The following ERMARD variants were observed in gnomAD, a reference collection of about 807,000 sequenced individuals.
The protein encoded by ERMARD is ER membrane associated RNA degradation, also known as endoplasmic reticulum membrane-associated RNA degradation protein.
Under a neutral mutation model 83.9 loss-of-function variants are expected in ERMARD, and 71 were observed. The ratio of observed to expected loss-of-function variants is 0.85; its 90% CI spans 0.70 to 1.03. The LOEUF (loss-of-function observed/expected upper bound fraction) is 1.03, where lower values mean the gene tolerates loss of function less well. ERMARD is among the 50% of genes least tolerant of loss of function. The pLI is 0.00. For synonymous variants in ERMARD, 284 were observed against 298.6 expected (o/e 0.95, Z 0.50); for missense variants, 838 against 810.9 (o/e 1.03, Z -0.41).
chr6:169,764,195 C>T (rs963633862), intron 9 of ERMARD, among the ~76,000 whole-genome samples: 1 of 152,148 alleles, frequency 6.6e-6, no homozygotes, highest in Non-Finnish European at 1.5e-5. Context: ...GAGCTCATCT[C>T]ACGATTCTTC....
At chr6:169,773,177 T>C (rs1793177728) in intron 12 of ERMARD, 142 bp from the exon 13 acceptor site, 1 of 630,950 alleles carries the variant, frequency 1.6e-6, no homozygotes, top group South Asian at 2.4e-5. Flanking sequence ...CCTATTTTAA[T>C]GAAGCACTTG....
At chr6:169,773,290 G>A (rs1398604913) in intron 12 of ERMARD, 29 bp from the exon 13 acceptor site, 2 of 1,605,836 alleles carry the variant, frequency 1.2e-6, no homozygotes, top group Non-Finnish European at 1.7e-6. Flanking sequence ...ACCCAAACAT[G>A]ATAGTAACCA....
intron 13 of ERMARD, among the ~76,000 whole-genome samples, chr6:169,774,909 A>C (rs1386091587): frequency 1.3e-5 from 2 of 152,206 alleles, no homozygotes; most frequent in Non-Finnish European, 2.9e-5. Flanking sequence ...TGCACCTCTG[A>C]CATGGCTTTG....
upstream of ERMARD, chr6:169,751,366 C>T: frequency 6.2e-6 from 10 of 1,614,140 alleles, no homozygotes; most frequent in Non-Finnish European, 8.5e-6. Flanking sequence ...TGCTAGGCCT[C>T]CTTTCTTTCC....
chr6:169,756,521 T>C lies in ERMARD; in HGVS notation c.417+82T>C. ...ACTATTTTACAGTTGTCCTCAGTTTTCTTGATTATTTTCCTATAAGATAAA... is the reference window on the plus strand; with the variant it reads ...ACTATTTTACAGTTGTCCTCAGTTTCCTTGATTATTTTCCTATAAGATAAA... On this transcript the variant is annotated intron_variant, in intron 4 of 17. Coordinates refer to ENST00000366773, the MANE Select transcript of ERMARD (RefSeq NM_018341.3). 3.6e-6 allele frequency: 4 copies of C among 1,119,514 alleles called. No individual in the cohort carries two copies. In the South Asian group the frequency reaches 5.8e-5, roughly 16 times the overall value. 69.3% of individuals were successfully genotyped at this position (1,119,514 alleles called of 1,614,324 possible).
chr6:169,775,298 T>C lies in ERMARD; in HGVS notation c.1346T>C (p.Val449Ala). The change falls in exon 14 of 18, where the codon GTT becomes GCT. Residue 449 changes from valine to alanine, a missense_variant. Val to Ala is a moderately conservative substitution (Grantham distance 64, BLOSUM62 0). Coordinates refer to ENST00000366773, the MANE Select transcript of ERMARD (RefSeq NM_018341.3). ...QVLSCEESIR[V>A]WALLPFPEEL... is the part of the protein sequence containing the mutation. ...CTGAGCTGTGAGGAGAGCATCAGGG[T>C]TTGGGCTCTGCTGCCTTTCCCCGAA... 2.5e-6 allele frequency: 4 copies of C among 1,614,112 alleles called. No homozygotes were observed. Among genetic ancestry groups the C allele is most frequent in the Non-Finnish European group, 3.4e-6 (4 of 1,180,018 alleles).
At chr6:169,759,628 C>T (rs1791267918) in intron 6 of ERMARD, among the ~76,000 whole-genome samples, 1 of 152,188 alleles carries the variant, frequency 6.6e-6, no homozygotes, top group South Asian at 2.1e-4. Flanking sequence ...CACCTTGTTG[C>T]CCACACTGGT....
chr6:169,775,122 G>A (rs1263606729), intron 13 of ERMARD, 148 bp from the exon 14 acceptor site: 2 of 807,662 alleles, frequency 2.5e-6, no homozygotes, highest in African/African-American at 3.5e-5. Context: ...ATGTACTGAA[G>A]AACTGACACC....
At chr6:169,762,246 T>A (rs559803822) in intron 8 of ERMARD, among the ~76,000 whole-genome samples, 183 bp from the exon 9 acceptor site, 1 of 152,252 alleles carries the variant, frequency 6.6e-6, no homozygotes. Context: ...CACTGCACTC[T>A]GCTAATTTCT....
In ERMARD at chr6:169,759,000, G is replaced by A. The variant is rs369492310; in HGVS notation, c.540G>A (p.Pro180=). The A allele has an allele frequency of 1.2e-5, 20 of 1,613,954 alleles. No homozygotes were observed. Among genetic ancestry groups the A allele is most frequent in the Middle Eastern group, 1.7e-4 (1 of 6,060 alleles). ...TGCTAAAAGTCTTCGTTGGCTCTCCGTGTGGTCTCAACCTGCGTAACGTCT... is the reference window on the plus strand; with the variant it reads ...TGCTAAAAGTCTTCGTTGGCTCTCCATGTGGTCTCAACCTGCGTAACGTCT... ...MNVLKVFVGS[P]CGLNLRNVLW... The change falls in exon 6 of 18, where the codon CCG becomes CCA. Residue 180 remains proline, a synonymous_variant. Coordinates refer to ENST00000366773, the MANE Select transcript of ERMARD (RefSeq NM_018341.3).
chr6:169,755,567 T>C, intron 3 of ERMARD, 145 bp downstream of exon 3: 3 of 968,452 alleles, frequency 3.1e-6, no homozygotes, highest in South Asian at 3.6e-5. Flanking sequence ...AACCCTGGGC[T>C]ATTATGCAGG....
chr6:169,751,894 G>A (rs1018301848), intron 1 of ERMARD: 1 of 580,610 alleles, frequency 1.7e-6, no homozygotes, highest in Non-Finnish European at 2.7e-6. Flanking sequence ...GCCAGGCTCG[G>A]TTTCTCCGTC....
intron 9 of ERMARD, among the ~76,000 whole-genome samples, chr6:169,764,673 A>G (rs1791979639): frequency 6.6e-6 from 1 of 151,888 alleles, no homozygotes; most frequent in Non-Finnish European, 1.5e-5. Flanking sequence ...GATGGAGTTC[A>G]TCCTCTTCAC....
intron 10 of ERMARD, chr6:169,767,863 A>G: frequency 1.8e-6 from 1 of 542,830 alleles, no homozygotes; most frequent in Non-Finnish European, 3.3e-6. Flanking sequence ...ACACATATTC[A>G]TAGTCACATA....
rs888558221 is a variant in ERMARD at position 169,772,630 on chromosome 6, C to T, written c.1234-689C>T. On this transcript the variant is annotated intron_variant, in intron 12 of 17. Coordinates refer to ENST00000366773, the MANE Select transcript of ERMARD (RefSeq NM_018341.3). ...AAAAAATAAAAAAAAATTAGCCAGG[C>T]GTGGTGGTGGGTGCCTGTAATCCCA... Among the ~76,000 whole-genome samples, 24 of 151,952 alleles carry T rather than the reference C, an allele frequency of 1.6e-4. No individual in the cohort carries two copies. In the East Asian group the frequency reaches 2.1e-3, roughly 14 times the overall value.
At chr6:169,776,373 G>A (rs1305973240) in intron 15 of ERMARD, 82 bp from the exon 16 acceptor site, 1 of 1,561,206 alleles carries the variant, frequency 6.4e-7, no homozygotes, top group African/African-American at 1.4e-5. Flanking sequence ...CTCCCAGAAA[G>A]CCGCAGCCTT....
intron 9 of ERMARD, among the ~76,000 whole-genome samples, chr6:169,762,733 T>C (rs1791710424): frequency 6.6e-6 from 1 of 152,230 alleles, no homozygotes; most frequent in Non-Finnish European, 1.5e-5. Context: ...GTAATATTTC[T>C]AAACAGTCTT....
intron 4 of ERMARD, 42 bp downstream of exon 4, chr6:169,756,481 C>CT: frequency 7.3e-7 from 1 of 1,378,928 alleles, no homozygotes; most frequent in African/African-American, 1.4e-5. Flanking sequence ...ATTAAATTAT[C>CT]TGAATGAACA....
In ERMARD at chr6:169,775,965, G is replaced by GCCTGCC; in HGVS notation, c.1421_1426dup (p.Cys475_His476insProCys). On this transcript the variant is annotated inframe_insertion, in exon 15 of 18. Coordinates refer to ENST00000366773, the MANE Select transcript of ERMARD (RefSeq NM_018341.3). The stretch of plus-strand genomic sequence containing the variant: ...ATTAGAAGATAATTCTGAAACAAAT[G>GCCTGCC]CCTGCCACTCTTTGATTACAAAAAT... The GCCTGCC allele has an allele frequency of 2.5e-6, 4 of 1,614,066 alleles. No homozygotes were observed. Among genetic ancestry groups the GCCTGCC allele is most frequent in the Non-Finnish European group, 3.4e-6 (4 of 1,180,014 alleles).
Sources: allele counts gnomAD v4.1 joint callset (sites outside exome capture counted in the v4.1 genomes callset), GRCh38; gene constraint gnomAD v4.1.1; transcripts MANE v1.5; gene names NCBI Gene and HGNC (gene_info 2026-07-23, HGNC 2026-07-21).